USP53: variants seen among roughly 807,000 people sequenced by gnomAD.
The protein encoded by USP53 is ubiquitin carboxyl-terminal hydrolase 53.
USP53 carries 71 observed loss-of-function variants against 94.9 expected under a neutral mutation model. The observed-to-expected ratio is 0.75, with a 90% CI of 0.62 to 0.91. The LOEUF (loss-of-function observed/expected upper bound fraction) is 0.91, where lower values mean the gene tolerates loss of function less well. Ranked by LOEUF, USP53 falls within the 40% of genes least tolerant of loss-of-function variation. The probability of loss-of-function intolerance (pLI) is 0.00; values close to 1 mark genes in which losing one functional copy is unlikely to be tolerated. For missense variants in USP53, 1,173 were observed against 1,281.0 expected (o/e 0.92, Z 1.29); for synonymous variants, 375 against 422.7 (o/e 0.89, Z 1.39).
intron 3 of USP53, among the ~76,000 whole-genome samples, chr4:119,224,158 C>T (rs1267368930): frequency 6.6e-6 from 1 of 151,946 alleles, no homozygotes; most frequent in Admixed American, 6.6e-5. Context: ...TGCCACCACA[C>T]CCGGCTGATT....
At chr4:119,257,174 G>T (rs886326631) in intron 9 of USP53, among the ~76,000 whole-genome samples, 2 of 152,166 alleles carry the variant, frequency 1.3e-5, no homozygotes, top group Admixed American at 6.5e-5. Context: ...GGGCACAGTG[G>T]CTCATGCCTG....
rs944939206 is a variant in USP53, at chr4:119,295,317, T to C, written c.*2106T>C. ...GATACATATATACTAATCATTTTAT[T>C]TCATGTAAAAGTTTTACATCTAGGG... On this transcript the variant is annotated 3_prime_UTR_variant, in exon 19 of 19. Transcript: ENST00000692078. 1.3e-5 allele frequency: 2 copies of C among 152,172 alleles called. No individual in the cohort carries two copies. The highest frequency in any genetic ancestry group is 4.8e-5 in the African/African-American group (2 of 41,432). The allele number at this position is 152,172 out of a possible 1,614,324, so 9.4% of individuals were successfully genotyped here.
intron 15 of USP53, 119 bp from the exon 16 acceptor site, chr4:119,271,177 C>A: frequency 7.0e-7 from 1 of 1,430,534 alleles, no homozygotes; most frequent in Non-Finnish European, 9.2e-7. Flanking sequence ...GTGATATGTA[C>A]TTGTAATTAC....
chr4:119,242,592 C>G (rs1747685241), intron 5 of USP53, among the ~76,000 whole-genome samples: 1 of 152,102 alleles, frequency 6.6e-6, no homozygotes, highest in African/African-American at 2.4e-5. Context: ...CTACTGATCC[C>G]TGATGTTAAC....
chr4:119,249,632 G>A (rs1343798203), intron 7 of USP53, among the ~76,000 whole-genome samples: 1 of 147,612 alleles, frequency 6.8e-6, no homozygotes, highest in Non-Finnish European at 1.5e-5. Context: ...TCCTATTGGT[G>A]TCCATTCAAC....
At chr4:119,221,867 A>AG (rs777098663) in intron 3 of USP53, among the ~76,000 whole-genome samples, 1 of 152,176 alleles carries the variant, frequency 6.6e-6, no homozygotes, top group African/African-American at 2.4e-5. Context: ...CAAAGGAGAG[A>AG]GGGGGATGAT....
chr4:119,238,076 T>C (rs1747021730), intron 4 of USP53, among the ~76,000 whole-genome samples: 1 of 152,212 alleles, frequency 6.6e-6, no homozygotes, highest in Non-Finnish European at 1.5e-5. Context: ...GAGTTTCACT[T>C]TCTTATCATT....
chr4:119,262,028 T>C (rs17274973), intron 12 of USP53, among the ~76,000 whole-genome samples, 164 bp downstream of exon 12: 4,180 of 152,320 alleles, frequency 0.027, 74 homozygotes, highest in South Asian at 0.071. Flanking sequence ...TCTTTTGTTA[T>C]TCTTGAAATT....
intron 3 of USP53, among the ~76,000 whole-genome samples, chr4:119,230,820 A>G (rs569544679): frequency 3.3e-5 from 5 of 152,244 alleles, no homozygotes; most frequent in African/African-American, 1.2e-4. Flanking sequence ...CAAGAGACAG[A>G]GAGTGAGGGG....
In USP53 at chr4:119,293,148, C is replaced by A. The variant is rs1298928002; in HGVS notation, c.3159C>A (p.Tyr1053Ter). Residue 1053 changes from tyrosine to a stop codon, truncating the protein, a stop_gained, in exon 19 of 19, where the codon TAC becomes TAA. Coordinates refer to ENST00000692078, the MANE Select transcript of USP53 (RefSeq NM_001371395.1). LOFTEE classifies it high-confidence loss of function. ...TGACGGATACATATAGATTGAAATACCATCAGAGGCCCAAGCTCTCTTTTC... is the reference window on the plus strand; with the variant it reads ...TGACGGATACATATAGATTGAAATAACATCAGAGGCCCAAGCTCTCTTTTC... ...SCMTDTYRLK[Y>*]HQRPKLSFPE... 6 of 1,612,618 alleles carry A rather than the reference C, an allele frequency of 3.7e-6. No individual in the cohort carries two copies. In the African/African-American group the frequency reaches 8.0e-5, roughly 22 times the overall value.
At chr4:119,283,903 C>T (rs901817286) in intron 17 of USP53, among the ~76,000 whole-genome samples, 20 of 151,832 alleles carry the variant, frequency 1.3e-4, no homozygotes, top group African/African-American at 4.1e-4. Flanking sequence ...GCCACAGACA[C>T]AGACAGGATC....
chr4:119,264,003 T>C (rs985381315), intron 12 of USP53, among the ~76,000 whole-genome samples: 2 of 152,180 alleles, frequency 1.3e-5, no homozygotes, highest in Admixed American at 6.5e-5. Context: ...AGGCAGAGGT[T>C]GCAGTGAGCC....
chr4:119,257,038 T>C (rs62328379), intron 9 of USP53, among the ~76,000 whole-genome samples: 32,608 of 152,150 alleles, frequency 0.21, 4,076 homozygotes, highest in South Asian at 0.32. Context: ...GCCCACTCAC[T>C]CTCTCCCTTT....
chr4:119,249,611 A>G (rs1407058573), intron 7 of USP53, among the ~76,000 whole-genome samples: 2 of 150,398 alleles, frequency 1.3e-5, no homozygotes, highest in African/African-American at 4.9e-5. Context: ...CCAGTTCAGT[A>G]TATTTAAGCC....
chr4:119,260,048 AT>A (rs953870043), intron 10 of USP53, 123 bp downstream of exon 10: 1 of 645,214 alleles, frequency 1.5e-6, no homozygotes, highest in Admixed American at 3.8e-5. Flanking sequence ...TTTTTAAAAA[AT>A]ATTATTTTAG....
At chr4:119,256,610 C>G (rs1025947323) in intron 9 of USP53, 87 bp downstream of exon 9, 5 of 1,328,118 alleles carry the variant, frequency 3.8e-6, no homozygotes, top group Non-Finnish European at 5.4e-6. Flanking sequence ...TCATAGCATA[C>G]ATGAATTTCC....
chr4:119,285,255 G>A (rs757540477), intron 17 of USP53, among the ~76,000 whole-genome samples: 6 of 151,842 alleles, frequency 4.0e-5, no homozygotes, highest in Non-Finnish European at 7.4e-5. Flanking sequence ...TTTGTGTTAG[G>A]TAGAACAGCT....
At chr4:119,284,610 T>C (rs1243305027) in intron 17 of USP53, among the ~76,000 whole-genome samples, 1 of 151,920 alleles carries the variant, frequency 6.6e-6, no homozygotes, top group East Asian at 1.9e-4. Flanking sequence ...TGTTTTATAC[T>C]TTTTAAATCT....
At chr4:119,214,719 A>T (rs1037816005) in intron 2 of USP53, among the ~76,000 whole-genome samples, 1 of 152,072 alleles carries the variant, frequency 6.6e-6, no homozygotes, top group Non-Finnish European at 1.5e-5. Flanking sequence ...TAAACTGTGC[A>T]GTATCAAGAA....
Sources: gnomAD v4.1 joint callset for allele counts (sites outside exome capture counted in the v4.1 genomes callset) on GRCh38, gnomAD v4.1.1 for gene constraint, MANE v1.5 for transcripts, NCBI Gene and HGNC (gene_info 2026-07-23, HGNC 2026-07-21) for gene names.